The following FREM2 variants were observed in gnomAD, a reference collection of about 807,000 sequenced individuals.
FREM2 encodes the protein FRAS1 related extracellular matrix 2, also known as FRAS1-related extracellular matrix protein 2.
FREM2 carries 119 observed loss-of-function variants against 219.9 expected under a neutral mutation model. The observed-to-expected ratio is 0.54, with a 90% CI of 0.47 to 0.63. The LOEUF is 0.63. Among genes scored for constraint, FREM2 ranks in the 30% least tolerant of loss-of-function variants. The pLI, the probability that FREM2 is intolerant of heterozygous loss-of-function variation, is 0.00. For synonymous variants in FREM2, 1,562 were observed against 1,522.8 expected (o/e 1.03, Z -0.60); for missense variants, 4,030 against 3,993.6 (o/e 1.01, Z -0.25).
intron 15 of FREM2, among the ~76,000 whole-genome samples, chr13:38,863,160 A>T (rs1405197462): frequency 6.6e-6 from 1 of 151,804 alleles, no homozygotes; most frequent in Non-Finnish European, 1.5e-5. Flanking sequence ...AGCGATTCTC[A>T]TGCCTCAGCC....
chr13:38,772,913 T>A (rs1048888639), intron 4 of FREM2, among the ~76,000 whole-genome samples: 1 of 151,970 alleles, frequency 6.6e-6, no homozygotes, highest in East Asian at 1.9e-4. Context: ...GCCAGGCTGG[T>A]CTGGAACTCC....
Position 38,692,314 on chromosome 13 carries a change from A to G in FREM2, c.4970A>G (p.Gln1657Arg), listed in dbSNP as rs1361402394. ...TTGGCTGTTGACAACAGTGTCCCCCAAATCGCAGTGAATAAGGGGGCCTCT... is the reference window on the plus strand; with the variant it reads ...TTGGCTGTTGACAACAGTGTCCCCCGAATCGCAGTGAATAAGGGGGCCTCT... Reference protein sequence around the residue: ...QVLAVDNSVPQIAVNKGASTL... With the variant: ...QVLAVDNSVPRIAVNKGASTL... The change falls in exon 1 of 24, where the codon CAA becomes CGA. Residue 1657 changes from glutamine (Q) to arginine (R), a missense_variant. By Grantham distance (43) the Gln-to-Arg change is conservative. This residue lies in a region of FREM2 where 3,102 missense variants were observed against 2,950.7 expected (regional missense o/e 1.05). Transcript: ENST00000280481. 1 of 1,609,166 alleles carries G rather than the reference A, an allele frequency of 6.2e-7. No individual in the cohort carries two copies. The highest frequency in any genetic ancestry group is 2.2e-5 in the East Asian group (1 of 44,798).
intron 6 of FREM2, among the ~76,000 whole-genome samples, chr13:38,794,374 C>T (rs1874684813): frequency 6.6e-6 from 1 of 152,156 alleles, no homozygotes; most frequent in African/African-American, 2.4e-5. Context: ...CCTAACTCTG[C>T]ACTATTCAGC....
chr13:38,851,836 C>T lies in FREM2; in HGVS notation c.6893C>T (p.Thr2298Ile). 2 of 1,613,896 alleles carry T rather than the reference C, an allele frequency of 1.2e-6. No individual in the cohort carries two copies. Among genetic ancestry groups the T allele is most frequent in the Non-Finnish European group, 1.7e-6 (2 of 1,179,910 alleles). ...VRVHTKDGSA[T>I]SGEDYHPVSE... is the part of the protein sequence containing the mutation. Reference sequence around the variant, plus strand: ...GTCCACACCAAGGATGGCTCGGCCACCTCTGGAGAAGACTACCACCCTGTG... The same window carrying T: ...GTCCACACCAAGGATGGCTCGGCCATCTCTGGAGAAGACTACCACCCTGTG... The change falls in exon 11 of 24, where the codon ACC becomes ATC. Residue 2298 changes from threonine to isoleucine, a missense_variant. By Grantham distance (89) the Thr-to-Ile change is moderately conservative (BLOSUM62 -1). Coordinates refer to ENST00000280481, the MANE Select transcript of FREM2 (RefSeq NM_207361.6).
intron 6 of FREM2, among the ~76,000 whole-genome samples, chr13:38,814,707 A>G (rs1321892464): frequency 6.6e-6 from 1 of 152,128 alleles, no homozygotes; most frequent in Non-Finnish European, 1.5e-5. Flanking sequence ...GGAGCCAGGG[A>G]TTAGAATCAA....
rs1238139094 is a variant in FREM2, at chr13:38,876,078, C to T, written c.8338C>T (p.Leu2780Phe). Residue 2780 changes from leucine to phenylalanine, a missense_variant, in exon 19 of 24, where the codon CTC (leucine) becomes TTC (phenylalanine). By Grantham distance (22) the Leu-to-Phe change is conservative. This residue lies in a region of FREM2 where 928 missense variants were observed against 1,042.9 expected (regional missense o/e 0.89). Transcript: ENST00000280481. Reference protein sequence around the residue: ...SADHPGLTFSLRLIRSEPTYN... With the variant: ...SADHPGLTFSFRLIRSEPTYN... Reference sequence around the variant, plus strand: ...TGATCATCCAGGCCTGACATTTTCCCTCCGCCTCATAAGGAGTGAACCAAC... The same window carrying T: ...TGATCATCCAGGCCTGACATTTTCCTTCCGCCTCATAAGGAGTGAACCAAC... 1.1e-5 allele frequency: 17 copies of T among 1,613,938 alleles called. No individual in the cohort carries two copies. The highest frequency in any genetic ancestry group is 1.2e-5 in the Non-Finnish European group (14 of 1,179,936).
intron 6 of FREM2, among the ~76,000 whole-genome samples, chr13:38,798,609 G>T (rs1236858183): frequency 6.6e-6 from 1 of 151,962 alleles, no homozygotes; most frequent in African/African-American, 2.4e-5. Context: ...GCTTTTCTTT[G>T]TTGGGAGACT....
At position 38,689,824 on chromosome 13, in the gene FREM2, A is replaced by C. The variant is rs190810317; in HGVS notation, c.2480A>C (p.Asn827Thr). Residue 827 changes from asparagine to threonine, a missense_variant, in exon 1 of 24, where the codon AAC becomes ACC. Physicochemically the swap from Asn to Thr is moderately conservative, Grantham distance 65 (BLOSUM62 0). This residue lies in a region of FREM2 where 3,102 missense variants were observed against 2,950.7 expected (regional missense o/e 1.05). Transcript: ENST00000280481. ...TFTLYLHPVD[N>T]QPPEILNTGF... Reference sequence around the variant, plus strand: ...ACCCTTTACTTGCATCCCGTGGACAACCAGCCACCTGAGATCCTCAACACC... The same window carrying C: ...ACCCTTTACTTGCATCCCGTGGACACCCAGCCACCTGAGATCCTCAACACC... The C allele has an allele frequency of 2.6e-4, 417 of 1,614,140 alleles. 1 individual carries two copies. In the Admixed American group the frequency reaches 5.3e-3, roughly 21 times the overall value.
Position 38,690,710 on chromosome 13 carries a change from A to G in FREM2, c.3366A>G (p.Pro1122=). ...ATGTTGAAAACATTTCTCCAGCACC[A>G]GGCTCTGAGAAATCAAGAGCAGGGA... ...SGYVENISPA[P]GSEKSRAGIA... Residue 1122 remains proline (P), a synonymous_variant, in exon 1 of 24, where the codon CCA becomes CCG. Transcript: ENST00000280481. The G allele has an allele frequency of 6.2e-7, 1 of 1,614,088 alleles. No homozygotes were observed. Among genetic ancestry groups the G allele is most frequent in the Non-Finnish European group, 8.5e-7 (1 of 1,180,022 alleles).
rs66795118 is a variant in FREM2 at position 38,840,625 on chromosome 13, A to AATATATATAT, written c.6020-5937_6020-5928dup. On this transcript the variant is annotated intron_variant, in intron 6 of 23. Coordinates refer to ENST00000280481, the MANE Select transcript of FREM2 (RefSeq NM_207361.6). ...TTTTTAACCTGGGGGATAAAACTAA[A>AATATATATAT]ATATATATATATATATATATGTGTA... Among the ~76,000 whole-genome samples, 317 of 135,134 alleles carry AATATATATAT rather than the reference A, an allele frequency of 2.3e-3. 7 individuals carry two copies. In the East Asian group the frequency reaches 0.047, roughly 20 times the overall value. 88.7% of individuals were successfully genotyped at this position (135,134 alleles called of 152,430 possible).
At position 38,859,390 on chromosome 13, in the gene FREM2, C is replaced by T. The variant is rs977329920; in HGVS notation, c.7319C>T (p.Pro2440Leu). The change falls in exon 14 of 24, where the codon CCT (proline) becomes CTT (leucine). Residue 2440 changes from proline (P) to leucine (L), a missense_variant. Physicochemically the swap from Pro to Leu is moderately conservative, Grantham distance 98. Coordinates refer to ENST00000280481, the MANE Select transcript of FREM2 (RefSeq NM_207361.6). ...CGGTACCGGTGGCTGATTAGTGCACCTGCGGGCCCTGACGGTGTGACCAGC... is the reference window on the plus strand; with the variant it reads ...CGGTACCGGTGGCTGATTAGTGCACTTGCGGGCCCTGACGGTGTGACCAGC... Reference protein sequence around the residue: ...LTRYRWLISAPAGPDGVTSPM... With the variant: ...LTRYRWLISALAGPDGVTSPM... The T allele has an allele frequency of 1.2e-6, 2 of 1,614,052 alleles. No individual in the cohort carries two copies. The highest frequency in any genetic ancestry group is 1.3e-5 in the African/African-American group (1 of 74,920).
rs1869509051 is a variant in FREM2, at chr13:38,687,423, C to G, written c.79C>G (p.Pro27Ala). The change falls in exon 1 of 24, where the codon CCG (proline) becomes GCG (alanine). Residue 27 changes from proline (P) to alanine (A), a missense_variant. Transcript: ENST00000280481. ...STSFQPGPPP[P>A]PRLLLLLLLL... ...CAGCTTTCAACCAGGACCGCCACCG[C>G]CGCCCCGGCTGCTGCTGCTGCTGCT... 3 of 1,603,958 alleles carry G rather than the reference C, an allele frequency of 1.9e-6. No individual in the cohort carries two copies. In the East Asian group the frequency reaches 6.8e-5, roughly 36 times the overall value.
chr13:38,693,577 G>C (rs1275457252), intron 1 of FREM2, among the ~76,000 whole-genome samples: 1 of 152,160 alleles, frequency 6.6e-6, no homozygotes, highest in Non-Finnish European at 1.5e-5. Flanking sequence ...TGGGATTTGG[G>C]TTGCTTTCAT....
rs1001769615 is a variant in FREM2, at chr13:38,885,424, T to A, written c.*4637T>A. On this transcript the variant is annotated 3_prime_UTR_variant, in exon 24 of 24. Coordinates refer to ENST00000280481, the MANE Select transcript of FREM2 (RefSeq NM_207361.6). ...CTGGTATTTGTTTGCTTTGTGTTTT[T>A]TCAATATTTTGTTTGCTAAAGAACA... The A allele has an allele frequency of 3.9e-5, 6 of 152,206 alleles. No homozygotes were observed. Among genetic ancestry groups the A allele is most frequent in the Admixed American group, 1.3e-4 (2 of 15,278 alleles). 9.4% of individuals were successfully genotyped at this position (152,206 alleles called of 1,614,324 possible).
In FREM2 at chr13:38,850,101, C is replaced by G. The variant is rs1478730429; in HGVS notation, c.6443C>G (p.Thr2148Arg). ...AGCGAAAGTGATGGGCAGATAGTTA[C>G]AATGATCCATAGGACTGGGGATGTC... ...TGSESDGQIV[T>R]MIHRTGDVQY... Residue 2148 changes from threonine (T) to arginine (R), a missense_variant, in exon 9 of 24, where the codon ACA (threonine) becomes AGA (arginine). Transcript: ENST00000280481. 3 of 1,613,948 alleles carry G rather than the reference C, an allele frequency of 1.9e-6. No homozygotes were observed. Among genetic ancestry groups the G allele is most frequent in the East Asian group, 2.2e-5 (1 of 44,860 alleles).
In FREM2 at chr13:38,688,273, G is replaced by C; in HGVS notation, c.929G>C (p.Arg310Pro). The C allele has an allele frequency of 6.2e-7, 1 of 1,614,088 alleles. No homozygotes were observed. The highest frequency in any genetic ancestry group is 8.5e-7 in the Non-Finnish European group (1 of 1,180,046). The change falls in exon 1 of 24, where the codon CGA becomes CCA. Residue 310 changes from arginine (R) to proline (P), a missense_variant. Arg to Pro is a moderately radical substitution (Grantham distance 103). Around this residue, in one of 2 missense-constraint regions of FREM2, gnomAD observed 3,102 missense variants for 2,950.7 expected, o/e 1.05. Transcript: ENST00000280481. ...CACTTCCAGGTTCTGGTGAGGATCC[G>C]AGGAGGGGCCGAGAACACTGCACCC... The part of the protein sequence containing the change: ...REHFQVLVRI[R>P]GGAENTAPKP...
In FREM2 at chr13:38,699,038, A is replaced by G. The variant is rs142790090; in HGVS notation, c.5263+1251A>G. On this transcript the variant is annotated intron_variant, in intron 2 of 23. Coordinates refer to ENST00000280481, the MANE Select transcript of FREM2 (RefSeq NM_207361.6). ...AAAAGGAAATCAACTCATAAAAAAA[A>G]CCTTCTTGAATTTTGCTGCTCAAAT... Among the ~76,000 whole-genome samples the G allele has an allele frequency of 4.5e-3, 691 of 152,340 alleles. 6 individuals are homozygous for G. Among genetic ancestry groups the G allele is most frequent in the African/African-American group, 0.016 (655 of 41,584 alleles).
At position 38,880,608 on chromosome 13, in the gene FREM2, C is replaced by T; in HGVS notation, c.9331C>T (p.Leu3111=). ...ELNSPSSAVS[L]VTVVGGTTVG... ...CAACAGCCCCAGCTCTGCAGTCAGC[C>T]TGGTCACTGTGGTGGGAGGCACCAC... Residue 3111 remains leucine, a synonymous_variant, in exon 24 of 24, where the codon CTG becomes TTG. Transcript: ENST00000280481. 1 of 1,613,884 alleles carries T rather than the reference C, an allele frequency of 6.2e-7. No homozygotes were observed. Among genetic ancestry groups the T allele is most frequent in the Non-Finnish European group, 8.5e-7 (1 of 1,179,742 alleles).
Position 38,692,151 on chromosome 13 carries a change from A to G in FREM2, c.4807A>G (p.Ser1603Gly). 1.2e-6 allele frequency: 2 copies of G among 1,614,248 alleles called. No individual in the cohort carries two copies. The highest frequency in any genetic ancestry group is 8.5e-7 in the Non-Finnish European group (1 of 1,180,038). The change falls in exon 1 of 24, where the codon AGC becomes GGC. Residue 1603 changes from serine (S) to glycine (G), a missense_variant. Transcript: ENST00000280481. ...GCAAGACTTGAATGAAAACTTAATC[A>G]GCTACAAACATGATGGCACTGAGTC... The part of the protein sequence containing the change: ...TKQDLNENLI[S>G]YKHDGTESSE...
Sources: allele counts gnomAD v4.1 joint callset (sites outside exome capture counted in the v4.1 genomes callset), GRCh38; gene constraint gnomAD v4.1.1; regional missense constraint gnomAD v4.1.1; transcripts MANE v1.5; gene names NCBI Gene and HGNC (gene_info 2026-07-23, HGNC 2026-07-21).